Variants in RELN observed in about 807,000 individuals in gnomAD.
The protein encoded by RELN is reelin.
A neutral mutation model predicts 427.6 loss-of-function variants in RELN; 108 were observed. That is an observed-to-expected ratio of 0.25 (90% CI 0.22 to 0.30). RELN has a LOEUF of 0.30. RELN is among the 10% of genes least tolerant of loss of function. The pLI is 1.00. For missense variants in RELN, 3,715 were observed against 4,302.8 expected, an observed-to-expected ratio of 0.86 and a Z score of 3.82; for synonymous variants, 1,524 against 1,513.4, an observed-to-expected ratio of 1.01 and a Z score of -0.16.
intron 1 of RELN, among the ~76,000 whole-genome samples, chr7:103,957,615 CA>C (rs1401233824): frequency 1.1e-4 from 17 of 152,154 alleles, no homozygotes; most frequent in Non-Finnish European, 2.4e-4. Context: ...CGTGCTCACT[CA>C]CAGTCAACAG....
At chr7:103,680,705 G>T (rs1056277394) in intron 11 of RELN, among the ~76,000 whole-genome samples, 1 of 150,694 alleles carries the variant, frequency 6.6e-6, no homozygotes, top group Non-Finnish European at 1.5e-5. Context: ...TCCCTCTAGG[G>T]TCTCCCCAGC....
In RELN at chr7:103,839,499, C is replaced by T. The variant is rs142052535; in HGVS notation, c.338-5827G>A. Among the ~76,000 whole-genome samples the T allele has an allele frequency of 6.3e-4, 95 of 151,954 alleles. 2 individuals carry two copies. The highest frequency in any genetic ancestry group is 3.4e-4 in the Non-Finnish European group (23 of 67,974). ...GCAACAGACACTGTGTTAGGCTCTACGGAGGTATATAAAAGAAATAGAGAA... is the reference window on the plus strand; with the variant it reads ...GCAACAGACACTGTGTTAGGCTCTATGGAGGTATATAAAAGAAATAGAGAA... On this transcript the variant is annotated intron_variant, in intron 2 of 64. Transcript: ENST00000428762.
At chr7:103,518,161 A>G (rs1026962541) in intron 49 of RELN, among the ~76,000 whole-genome samples, 2 of 152,136 alleles carry the variant, frequency 1.3e-5, no homozygotes, top group Non-Finnish European at 2.9e-5. Context: ...TAATTTACAT[A>G]GGAGAGAGAG....
chr7:103,717,966 G>T (rs1789982025), intron 8 of RELN, among the ~76,000 whole-genome samples: 1 of 152,050 alleles, frequency 6.6e-6, no homozygotes, highest in South Asian at 2.1e-4. Context: ...TTATGAATTA[G>T]GCTCAAGGGA....
At chr7:103,921,619 C>G (rs1414122110) in intron 1 of RELN, among the ~76,000 whole-genome samples, 2 of 152,122 alleles carry the variant, frequency 1.3e-5, no homozygotes, top group Non-Finnish European at 2.9e-5. Context: ...CATCTTAGAT[C>G]ACATAATTCC....
At chr7:103,616,669 C>A (rs977401391) in intron 20 of RELN, among the ~76,000 whole-genome samples, 2 of 151,768 alleles carry the variant, frequency 1.3e-5, no homozygotes, top group Admixed American at 6.6e-5. Context: ...CACACACATA[C>A]TTTTTTTTAA....
At chr7:103,490,000 G>C in intron 59 of RELN, 101 bp from the exon 60 acceptor site, 1 of 1,400,254 alleles carries the variant, frequency 7.1e-7, no homozygotes, top group Admixed American at 1.8e-5. Flanking sequence ...TGTGAGAAAA[G>C]GGCTTCCCAA....
At position 103,870,262 on chromosome 7, in the gene RELN, T is replaced by C. The variant is rs537493061; in HGVS notation, c.338-36590A>G. Among the ~76,000 whole-genome samples, 3 of 152,248 alleles carry C rather than the reference T, an allele frequency of 2.0e-5. No homozygotes were observed. The East Asian group carries it at 5.8e-4, about 29-fold the overall frequency. ...CTCAGGACTGGTTTCTATTGAATGCTTTTTTCTTGATGATGGCTCCTGCTT... is the reference window on the plus strand; with the variant it reads ...CTCAGGACTGGTTTCTATTGAATGCCTTTTTCTTGATGATGGCTCCTGCTT... On this transcript the variant is annotated intron_variant, in intron 2 of 64. Transcript: ENST00000428762.
intron 2 of RELN, among the ~76,000 whole-genome samples, chr7:103,910,940 T>C (rs1414101032): frequency 7.2e-6 from 1 of 139,458 alleles, no homozygotes; most frequent in Non-Finnish European, 1.5e-5. Context: ...GACATAGGCA[T>C]GGGCAAGGAC....
chr7:103,638,896 T>C (rs1180006038), intron 17 of RELN, among the ~76,000 whole-genome samples: 1 of 152,190 alleles, frequency 6.6e-6, no homozygotes, highest in Non-Finnish European at 1.5e-5. Flanking sequence ...ATGATACACA[T>C]AAAATGAAGT....
In RELN at chr7:103,854,721, G is replaced by A. The variant is rs552171503; in HGVS notation, c.338-21049C>T. On this transcript the variant is annotated intron_variant, in intron 2 of 64. Coordinates refer to ENST00000428762, the MANE Select transcript of RELN (RefSeq NM_005045.4). ...AAAGGCCTTGATTTGAGTCTACTGC[G>A]GTACCCTTCAAGGGAACAAAGAACG... is the stretch of plus-strand genomic sequence containing the variant. Among the ~76,000 whole-genome samples the A allele has an allele frequency of 5.8e-4, 89 of 152,184 alleles. 1 individual carries two copies. The highest frequency in any genetic ancestry group is 9.1e-4 in the Non-Finnish European group (62 of 68,000).
intron 11 of RELN, among the ~76,000 whole-genome samples, chr7:103,672,762 C>A (rs989410178): frequency 1.3e-4 from 20 of 151,850 alleles, no homozygotes; most frequent in African/African-American, 3.4e-4. Context: ...GCATAATTTT[C>A]TTTTGAGCAC....
Position 103,936,434 on chromosome 7 carries a change from C to A in RELN, c.227-19249G>T, listed in dbSNP as rs564034810. Among the ~76,000 whole-genome samples, 8 of 152,176 alleles carry A rather than the reference C, an allele frequency of 5.3e-5. No homozygotes were observed. In the South Asian group the frequency reaches 1.5e-3, roughly 28 times the overall value. ...TTTCAGTGTTCATTCTAGTGTGCCT[C>A]TTCACATAGCAGCCACAGTGGTCTT... On this transcript the variant is annotated intron_variant, in intron 1 of 64. Coordinates refer to ENST00000428762, the MANE Select transcript of RELN (RefSeq NM_005045.4).
In RELN at chr7:103,596,493, G is replaced by A; in HGVS notation, c.3502C>T (p.Leu1168=). 6.2e-7 allele frequency: 1 copy of A among 1,614,034 alleles called. No individual in the cohort carries two copies. The highest frequency in any genetic ancestry group is 1.7e-4 in the Middle Eastern group (1 of 6,046). Residue 1168 remains leucine, a synonymous_variant, in exon 25 of 65, where the codon CTA becomes TTA. Transcript: ENST00000428762. ...SNNGGIQWHL[L]AEMYFSDFSK... ...AAGTCTGAAAAGTACATCTCTGCTAGCAGGTGCCACTGGATGCCCCCATTG... is the reference window on the plus strand; with the variant it reads ...AAGTCTGAAAAGTACATCTCTGCTAACAGGTGCCACTGGATGCCCCCATTG...
chr7:103,896,875 G>T, intron 2 of RELN, among the ~76,000 whole-genome samples: 1 of 152,036 alleles, frequency 6.6e-6, no homozygotes, highest in South Asian at 2.1e-4. Flanking sequence ...ATATTAGTCT[G>T]TTCTCATGCT....
At chr7:103,574,821 TAAAAA>T (rs936200647) in intron 29 of RELN, among the ~76,000 whole-genome samples, 1 of 151,368 alleles carries the variant, frequency 6.6e-6, no homozygotes, top group Non-Finnish European at 1.5e-5. Flanking sequence ...GGAAAAATAA[TAAAAA>T]AAAAGATTTT....
chr7:103,849,349 T>C (rs1301513197), intron 2 of RELN, among the ~76,000 whole-genome samples: 1 of 152,172 alleles, frequency 6.6e-6, no homozygotes, highest in Non-Finnish European at 1.5e-5. Context: ...CCTATCCTTC[T>C]CACCACTGCA....
chr7:103,540,072 G>A, intron 44 of RELN, 125 bp downstream of exon 44: 2 of 1,056,708 alleles, frequency 1.9e-6, no homozygotes, highest in Non-Finnish European at 2.9e-6. Context: ...GTGCCCTTGG[G>A]CAAGTCACTC....
At chr7:103,525,375 G>A (rs2299331) in intron 46 of RELN, among the ~76,000 whole-genome samples, 85,413 of 152,016 alleles carry the variant, frequency 0.56, 26,112 homozygotes, top group Non-Finnish European at 0.68. Context: ...AAGTTATAAG[G>A]AGAGCAGGGT....
Sources: allele counts gnomAD v4.1 joint callset (sites outside exome capture counted in the v4.1 genomes callset), GRCh38; gene constraint gnomAD v4.1.1; transcripts MANE v1.5; gene names NCBI Gene and HGNC (gene_info 2026-07-23, HGNC 2026-07-21).